Variants in CDKAL1 observed in about 807,000 individuals in gnomAD.
The protein encoded by CDKAL1 is threonylcarbamoyladenosine tRNA methylthiotransferase.
Under a neutral mutation model 68.2 loss-of-function variants are expected in CDKAL1, and 32 were observed. The observed-to-expected ratio is 0.47, with a 90% CI of 0.35 to 0.63. The LOEUF (loss-of-function observed/expected upper bound fraction) is 0.63. Ranked by LOEUF, CDKAL1 falls within the 30% of genes least tolerant of loss-of-function variation. CDKAL1 has a pLI of 0.00. For missense variants in CDKAL1, 606 were observed against 696.7 expected, an observed-to-expected ratio of 0.87 and a Z score of 1.47; for synonymous variants, 234 against 244.3, an observed-to-expected ratio of 0.96 and a Z score of 0.39.
chr6:21,217,509 A>T (rs1159115393), intron 15 of CDKAL1, among the ~76,000 whole-genome samples: 1 of 149,368 alleles, frequency 6.7e-6, no homozygotes, highest in Non-Finnish European at 1.5e-5. Context: ...TTATTTATTT[A>T]TTTTTTAAGA....
intron 4 of CDKAL1, among the ~76,000 whole-genome samples, chr6:20,579,105 G>C (rs780120428): frequency 6.6e-6 from 1 of 152,114 alleles, no homozygotes; most frequent in Admixed American, 6.5e-5. Flanking sequence ...AGCCTTCCGA[G>C]TAGCTGGCAT....
intron 11 of CDKAL1, among the ~76,000 whole-genome samples, chr6:21,019,277 G>GT (rs1768504841): frequency 1.3e-5 from 2 of 152,164 alleles, no homozygotes; most frequent in South Asian, 2.1e-4. Flanking sequence ...GGTGGTGCTG[G>GT]TTTTTTTGTT....
rs1767585100 is a variant in CDKAL1, at chr6:20,629,616, G to C, written c.287-19677G>C. On this transcript the variant is annotated intron_variant, in intron 4 of 15. Transcript: ENST00000274695. ...CTGCACAGGCCATCCTGCTGCCTGG[G>C]AGTGATACCTGCCTCACTCCATTTC... Among the ~76,000 whole-genome samples the C allele has an allele frequency of 2.0e-5, 3 of 152,070 alleles. 1 individual carries two copies. The highest frequency in any genetic ancestry group is 4.1e-4 in the South Asian group (2 of 4,822).
At chr6:21,074,494 G>C (rs899541901) in intron 12 of CDKAL1, among the ~76,000 whole-genome samples, 2 of 152,122 alleles carry the variant, frequency 1.3e-5, no homozygotes, top group Admixed American at 6.5e-5. Flanking sequence ...CAATCCACGA[G>C]ACTCTTCTAC....
chr6:20,614,367 A>G (rs1216102537), intron 4 of CDKAL1, among the ~76,000 whole-genome samples: 1 of 152,090 alleles, frequency 6.6e-6, no homozygotes, highest in African/African-American at 2.4e-5. Context: ...TAAATCTTTG[A>G]GTTACATGAA....
At chr6:20,887,452 T>C (rs1761125626) in intron 9 of CDKAL1, among the ~76,000 whole-genome samples, 1 of 152,014 alleles carries the variant, frequency 6.6e-6, no homozygotes, top group Non-Finnish European at 1.5e-5. Flanking sequence ...CAAAATGGAA[T>C]TTATCCACAA....
At chr6:21,023,194 G>T (rs756252727) in intron 11 of CDKAL1, among the ~76,000 whole-genome samples, 2 of 149,126 alleles carry the variant, frequency 1.3e-5, no homozygotes, top group South Asian at 4.2e-4. Flanking sequence ...TTTAAAGTTT[G>T]TCCACACATG....
chr6:21,102,689 G>T (rs140334623), intron 12 of CDKAL1, among the ~76,000 whole-genome samples: 2 of 152,082 alleles, frequency 1.3e-5, no homozygotes, highest in African/African-American at 2.4e-5. Flanking sequence ...GAGCCCTAGC[G>T]TGTATTACCT....
chr6:20,768,887 A>G lies in CDKAL1; in HGVS notation c.517+10244A>G, dbSNP rs369269332. Among the ~76,000 whole-genome samples the G allele has an allele frequency of 1.8e-4, 28 of 152,298 alleles. 1 individual carries two copies. The highest frequency in any genetic ancestry group is 6.3e-4 in the African/African-American group (26 of 41,586). On this transcript the variant is annotated intron_variant, in intron 7 of 15. Coordinates refer to ENST00000274695, the MANE Select transcript of CDKAL1 (RefSeq NM_017774.3). ...AGAGGGATGGTGGCTGAGAGGACCC[A>G]TGACCTGAGAGGGGAGATGGCAGAC...
At chr6:20,689,394 G>C (rs1366114798) in intron 5 of CDKAL1, among the ~76,000 whole-genome samples, 2 of 152,168 alleles carry the variant, frequency 1.3e-5, no homozygotes, top group Non-Finnish European at 2.9e-5. Flanking sequence ...GTGGTTTTCT[G>C]CTCAGGCAAA....
intron 5 of CDKAL1, among the ~76,000 whole-genome samples, chr6:20,701,302 G>C (rs1035665434): frequency 8.0e-6 from 1 of 124,434 alleles, no homozygotes; most frequent in Non-Finnish European, 1.7e-5. Flanking sequence ...TTGAAAATTT[G>C]ACAATTTCAC....
intron 8 of CDKAL1, among the ~76,000 whole-genome samples, chr6:20,783,389 CTG>C (rs1241368576): frequency 6.6e-6 from 1 of 152,170 alleles, no homozygotes; most frequent in African/African-American, 2.4e-5. Context: ...TACTGAGTGT[CTG>C]TTTTTAACTG....
intron 8 of CDKAL1, among the ~76,000 whole-genome samples, chr6:20,802,446 G>A (rs1162717519): frequency 6.6e-6 from 1 of 151,830 alleles, no homozygotes; most frequent in East Asian, 1.9e-4. Context: ...CAAAAAGAAA[G>A]AAAAACATCA....
intron 13 of CDKAL1, among the ~76,000 whole-genome samples, chr6:21,162,241 C>T (rs1294162721): frequency 6.6e-6 from 1 of 152,158 alleles, no homozygotes; most frequent in Non-Finnish European, 1.5e-5. Context: ...CAGGTCTCTG[C>T]AGGATGAATT....
chr6:20,704,089 G>A (rs967203163), intron 5 of CDKAL1, among the ~76,000 whole-genome samples: 21 of 152,104 alleles, frequency 1.4e-4, no homozygotes, highest in Non-Finnish European at 2.4e-4. Flanking sequence ...TGAGGCTCTG[G>A]GATTTCAGTA....
At chr6:20,555,873 C>T (rs1204423848) in intron 4 of CDKAL1, among the ~76,000 whole-genome samples, 6 of 146,968 alleles carry the variant, frequency 4.1e-5, no homozygotes, top group South Asian at 2.2e-4. Flanking sequence ...CCGCCCGCCT[C>T]GGCCTCCCAA....
intron 4 of CDKAL1, among the ~76,000 whole-genome samples, chr6:20,628,752 A>T (rs1381556657): frequency 1.3e-5 from 2 of 152,114 alleles, no homozygotes; most frequent in East Asian, 3.9e-4. Context: ...TGACAGCTAT[A>T]TATTCTTACA....
chr6:21,020,881 C>T (rs949676683), intron 11 of CDKAL1, among the ~76,000 whole-genome samples: 8 of 150,846 alleles, frequency 5.3e-5, no homozygotes, highest in Non-Finnish European at 1.0e-4. Flanking sequence ...AAGTAGCTGG[C>T]ATTACAGATG....
chr6:20,582,707 A>T (rs561834305), intron 4 of CDKAL1, among the ~76,000 whole-genome samples: 1 of 152,314 alleles, frequency 6.6e-6, no homozygotes, highest in African/African-American at 2.4e-5. Flanking sequence ...AGAAGCATGT[A>T]TGTTGATCTC....
Sources: gnomAD v4.1 joint callset for allele counts (sites outside exome capture counted in the v4.1 genomes callset) on GRCh38, gnomAD v4.1.1 for gene constraint, MANE v1.5 for transcripts, NCBI Gene and HGNC (gene_info 2026-07-23, HGNC 2026-07-21) for gene names.